ROBO2: variants seen among roughly 807,000 people sequenced by gnomAD.
ROBO2 encodes the protein roundabout homolog 2.
In ROBO2, 53 loss-of-function variants were observed where a neutral mutation model predicts 160.8. That is an observed-to-expected ratio of 0.33 (90% CI 0.26 to 0.41). The LOEUF (loss-of-function observed/expected upper bound fraction) is 0.41. Among genes scored for constraint, ROBO2 ranks in the 10% least tolerant of loss-of-function variants. The pLI is 1.00. For missense variants in ROBO2, 1,577 were observed against 1,722.4 expected (o/e 0.92, Z 1.49); for synonymous variants, 664 against 611.7 (o/e 1.09, Z -1.26).
chr3:77,554,893 A>T (rs1721195), intron 8 of ROBO2, among the ~76,000 whole-genome samples: 84,934 of 151,802 alleles, frequency 0.56, 23,839 homozygotes, highest in Middle Eastern at 0.68. Flanking sequence ...TTGTCTCCAA[A>T]TTTGAAAGAC....
intron 2 of ROBO2, among the ~76,000 whole-genome samples, chr3:75,981,129 A>G (rs1387986744): frequency 1.3e-5 from 2 of 151,498 alleles, no homozygotes; most frequent in Non-Finnish European, 3.0e-5. Context: ...CATTTTCTGT[A>G]TTATGCAAGA....
At chr3:76,108,273 A>G (rs2070040953) in intron 2 of ROBO2, among the ~76,000 whole-genome samples, 1 of 152,194 alleles carries the variant, frequency 6.6e-6, no homozygotes, top group East Asian at 1.9e-4. Context: ...ATAAATTCTG[A>G]AAGTTTTTAA....
chr3:75,992,983 C>T (rs1329806654), intron 2 of ROBO2, among the ~76,000 whole-genome samples: 1 of 152,178 alleles, frequency 6.6e-6, no homozygotes, highest in Non-Finnish European at 1.5e-5. Context: ...AATACCTGTA[C>T]CCCATTGTAT....
At chr3:77,569,052 C>T (rs999088703) in intron 13 of ROBO2, among the ~76,000 whole-genome samples, 8 of 151,972 alleles carry the variant, frequency 5.3e-5, no homozygotes, top group Non-Finnish European at 1.2e-4. Flanking sequence ...TTTATTCCTT[C>T]TTCAGTTGAT....
intron 2 of ROBO2, among the ~76,000 whole-genome samples, chr3:76,888,026 A>G (rs1015745123): frequency 2.0e-5 from 3 of 152,194 alleles, no homozygotes; most frequent in Non-Finnish European, 4.4e-5. Flanking sequence ...TTAAAATAGC[A>G]CTGATAATGG....
upstream of ROBO2, among the ~76,000 whole-genome samples, chr3:77,038,963 C>A (rs1449291694): frequency 6.6e-6 from 1 of 152,172 alleles, no homozygotes; most frequent in African/African-American, 2.4e-5. Context: ...CTTCGGGGAT[C>A]CCCCTCCCCC....
chr3:76,756,538 A>G (rs552572980), intron 2 of ROBO2, among the ~76,000 whole-genome samples: 48 of 152,014 alleles, frequency 3.2e-4, no homozygotes, highest in Middle Eastern at 3.4e-3. Flanking sequence ...TGATTATGTT[A>G]TTTAAAGATG....
intron 2 of ROBO2, among the ~76,000 whole-genome samples, chr3:76,231,875 A>T (rs1704641185): frequency 6.6e-6 from 1 of 152,220 alleles, no homozygotes; most frequent in Admixed American, 6.5e-5. Flanking sequence ...AAAACCCAGT[A>T]GGTCCTTCAA....
chr3:77,018,274 G>C (rs1330753626), intron 2 of ROBO2, among the ~76,000 whole-genome samples: 1 of 151,912 alleles, frequency 6.6e-6, no homozygotes, highest in African/African-American at 2.4e-5. Context: ...TGGTAGAGAT[G>C]GGGTTTCACT....
At chr3:77,585,867 A>G (rs1000964821) in intron 16 of ROBO2, among the ~76,000 whole-genome samples, 31 of 152,082 alleles carry the variant, frequency 2.0e-4, no homozygotes, top group Non-Finnish European at 4.0e-4. Context: ...CCCATTGTCT[A>G]TTCAGAACTG....
At chr3:77,004,069 TA>T (rs1351311341) in intron 2 of ROBO2, among the ~76,000 whole-genome samples, 1 of 152,184 alleles carries the variant, frequency 6.6e-6, no homozygotes, top group Non-Finnish European at 1.5e-5. Flanking sequence ...CATCAGTTTT[TA>T]AAAACTTTGA....
chr3:76,603,326 CATCTCCAAAAAA>C (rs1438323756), intron 2 of ROBO2, among the ~76,000 whole-genome samples: 1 of 81,780 alleles, frequency 1.2e-5, no homozygotes, highest in Admixed American at 1.4e-4. Flanking sequence ...AGCGAGACTC[CATCTCCAAAAAA>C]AAAAAAAAAA....
At chr3:76,472,020 G>C (rs1408981840) in intron 2 of ROBO2, among the ~76,000 whole-genome samples, 1 of 151,826 alleles carries the variant, frequency 6.6e-6, no homozygotes, top group African/African-American at 2.4e-5. Flanking sequence ...TTTGGGTGGG[G>C]ACACAGCCAA....
At chr3:76,855,204 G>T (rs946739369) in intron 2 of ROBO2, among the ~76,000 whole-genome samples, 2 of 152,282 alleles carry the variant, frequency 1.3e-5, no homozygotes, top group South Asian at 2.1e-4. Flanking sequence ...GAAGTAGTTT[G>T]TTATCCTCCA....
At chr3:76,460,249 C>T (rs1408460366) in intron 2 of ROBO2, among the ~76,000 whole-genome samples, 1 of 151,466 alleles carries the variant, frequency 6.6e-6, no homozygotes, top group African/African-American at 2.4e-5. Context: ...AAATAGGAAA[C>T]CTGAAAAATC....
chr3:76,353,182 A>C (rs1017734415), intron 2 of ROBO2, among the ~76,000 whole-genome samples: 3 of 152,026 alleles, frequency 2.0e-5, no homozygotes, highest in African/African-American at 7.2e-5. Flanking sequence ...CGCAGATGAC[A>C]GAGGCAGGTC....
At chr3:76,765,206 A>T (rs1395040639) in intron 2 of ROBO2, among the ~76,000 whole-genome samples, 1 of 151,748 alleles carries the variant, frequency 6.6e-6, no homozygotes, top group Admixed American at 6.6e-5. Flanking sequence ...TTATTAGATA[A>T]TAGGCAGCTA....
intron 2 of ROBO2, among the ~76,000 whole-genome samples, chr3:76,082,679 A>T (rs1365552921): frequency 2.0e-5 from 3 of 152,096 alleles, no homozygotes. Context: ...TTTAAATAAC[A>T]GTCGCTGCTA....
rs373182035 is a variant in ROBO2 at position 76,343,586 on chromosome 3, C to T, written c.109+405984C>T. Reference sequence around the variant, plus strand: ...TGCCATTGAAACTAATGGTAAAAACCGCAATTACGTTTGCACCAACCTAAT... The same window carrying T: ...TGCCATTGAAACTAATGGTAAAAACTGCAATTACGTTTGCACCAACCTAAT... On this transcript the variant is annotated intron_variant, in intron 2 of 26. Coordinates refer to the ROBO2 transcript ENST00000487694. Among the ~76,000 whole-genome samples the T allele has an allele frequency of 2.1e-4, 32 of 151,372 alleles. No individual in the cohort carries two copies. The East Asian group carries it at 2.2e-3, about 10-fold the overall frequency.
Sources: gnomAD v4.1 joint callset for allele counts (sites outside exome capture counted in the v4.1 genomes callset) on GRCh38, gnomAD v4.1.1 for gene constraint, MANE v1.5 for transcripts, NCBI Gene and HGNC (gene_info 2026-07-23, HGNC 2026-07-21) for gene names.